Variants in WSCD2 observed in about 807,000 individuals in gnomAD.
The protein encoded by WSCD2 is sialate:O-sulfotransferase 2.
Under a neutral mutation model 55.7 loss-of-function variants are expected in WSCD2, and 28 were observed. The observed-to-expected ratio is 0.50, with a 90% CI of 0.37 to 0.69. The LOEUF is 0.69. Ranked by LOEUF, WSCD2 falls within the 30% of genes least tolerant of loss-of-function variation. The probability of loss-of-function intolerance (pLI) is 0.00; values close to 1 mark genes in which losing one functional copy is unlikely to be tolerated. For synonymous variants in WSCD2, 301 were observed against 301.9 expected (o/e 1.00, Z 0.03); for missense variants, 616 against 762.1 (o/e 0.81, Z 2.26).
intron 1 of WSCD2, among the ~76,000 whole-genome samples, chr12:108,176,243 C>A (rs1880849927): frequency 1.3e-5 from 2 of 152,166 alleles, no homozygotes; most frequent in Admixed American, 1.3e-4. Context: ...ATGTGTACAA[C>A]CATATAACCT....
Position 108,210,025 on chromosome 12 carries a change from C to T in WSCD2, c.498-96C>T. 2.6e-6 allele frequency: 4 copies of T among 1,530,610 alleles called. No individual in the cohort carries two copies. Among genetic ancestry groups the T allele is most frequent in the Non-Finnish European group, 3.6e-6 (4 of 1,119,470 alleles). 94.8% of individuals were successfully genotyped at this position (1,530,610 alleles called of 1,614,324 possible). A position where few individuals can be genotyped will look rare whatever the true frequency, so the allele number is the denominator to read the frequency against. ...CATTTCCCCTGGGATCTCCTGGTCC[C>T]CAGAGCCCTCCCATCCCCCAGGTCT... On this transcript the variant is annotated intron_variant, in intron 3 of 8. Transcript: ENST00000547525. The surrounding 1 kb of genome is among the most constrained non-coding windows in gnomAD (Gnocchi z 4.3).
chr12:108,139,186 G>C (rs1876525553), intron 1 of WSCD2, among the ~76,000 whole-genome samples: 1 of 152,238 alleles, frequency 6.6e-6, no homozygotes, highest in African/African-American at 2.4e-5. Flanking sequence ...GAAGGTGTGA[G>C]TTCCTGGATC....
At chr12:108,199,763 GAAGTT>G (rs1355935337) in intron 2 of WSCD2, among the ~76,000 whole-genome samples, 3 of 152,200 alleles carry the variant, frequency 2.0e-5, no homozygotes, top group African/African-American at 7.2e-5. Context: ...CAGGCACAGA[GAAGTT>G]AAGTAACTTG....
At chr12:108,234,280 T>C (rs1477636941) in intron 7 of WSCD2, among the ~76,000 whole-genome samples, 1 of 152,212 alleles carries the variant, frequency 6.6e-6, no homozygotes, top group Non-Finnish European at 1.5e-5. Flanking sequence ...CAGGCACAGC[T>C]TGGTGCTGAT....
intron 1 of WSCD2, among the ~76,000 whole-genome samples, chr12:108,176,466 GT>G (rs1438300963): frequency 6.6e-6 from 1 of 152,188 alleles, no homozygotes; most frequent in Non-Finnish European, 1.5e-5. Flanking sequence ...TGCCTTTGAG[GT>G]TTATCAGTGC....
At chr12:108,156,457 T>G (rs1878521979) in intron 1 of WSCD2, among the ~76,000 whole-genome samples, 1 of 152,188 alleles carries the variant, frequency 6.6e-6, no homozygotes, top group African/African-American at 2.4e-5. Flanking sequence ...GGTCTTCATT[T>G]CCCCATAAGC....
chr12:108,150,404 C>T (rs907662616), intron 1 of WSCD2, among the ~76,000 whole-genome samples: 1 of 152,046 alleles, frequency 6.6e-6, no homozygotes, highest in African/African-American at 2.4e-5. Flanking sequence ...AGGAGGGAGA[C>T]TTGGTTTATT....
At chr12:108,226,469 G>C (rs78041719) in intron 5 of WSCD2, among the ~76,000 whole-genome samples, 1 of 151,958 alleles carries the variant, frequency 6.6e-6, no homozygotes, top group Non-Finnish European at 1.5e-5. Context: ...GTGGTGTATT[G>C]CATGACCACG....
Position 108,250,171 on chromosome 12 carries a change from A to AGTGTGTGTGTGTGTGTGT in WSCD2, c.*1839_*1856dup, listed in dbSNP as rs372802789. 35 of 146,600 alleles carry AGTGTGTGTGTGTGTGTGT rather than the reference A, an allele frequency of 2.4e-4. 1 individual carries two copies. The highest frequency in any genetic ancestry group is 8.9e-4 in the African/African-American group (35 of 39,322). 9.1% of individuals were successfully genotyped at this position (146,600 alleles called of 1,614,324 possible). A position where few individuals can be genotyped will look rare whatever the true frequency, so the allele number is the denominator to read the frequency against. On this transcript the variant is annotated 3_prime_UTR_variant, in exon 9 of 9. Transcript: ENST00000547525. The stretch of plus-strand genomic sequence containing the variant: ...AGGTTCACAAATGGGATGTTTTCCT[A>AGTGTGTGTGTGTGTGTGT]GTGTGTGTGTGTGTGTGTGTGTGTG...
chr12:108,222,295 G>A (rs1258978959), intron 4 of WSCD2, among the ~76,000 whole-genome samples: 2 of 152,196 alleles, frequency 1.3e-5, no homozygotes, highest in Non-Finnish European at 2.9e-5. Context: ...CTTTGCTTCT[G>A]AGATGAGGCT....
At chr12:108,144,158 G>T (rs1047436745) in intron 1 of WSCD2, among the ~76,000 whole-genome samples, 1 of 152,008 alleles carries the variant, frequency 6.6e-6, no homozygotes, top group Non-Finnish European at 1.5e-5. Context: ...ACCACTTCTT[G>T]TAAAGCCAAG....
intron 2 of WSCD2, among the ~76,000 whole-genome samples, chr12:108,198,177 A>C (rs1164701572): frequency 6.6e-6 from 1 of 151,996 alleles, no homozygotes; most frequent in Non-Finnish European, 1.5e-5. Context: ...CTGGACTGTC[A>C]GCTCCAGGAG....
Position 108,181,811 on chromosome 12 carries a change from T to C in WSCD2, c.-551-13471T>C, listed in dbSNP as rs116362850. Reference sequence around the variant, plus strand: ...ACCAAGCCATAGCTGCCCCTGTTGATACAAACGTGCAAATAACAATAACTG... The same window carrying C: ...ACCAAGCCATAGCTGCCCCTGTTGACACAAACGTGCAAATAACAATAACTG... On this transcript the variant is annotated intron_variant, in intron 1 of 8. Coordinates refer to ENST00000547525, the MANE Select transcript of WSCD2 (RefSeq NM_014653.4). 2.9e-3 allele frequency among the ~76,000 whole-genome samples: 435 copies of C among 152,336 alleles called. 2 individuals carry two copies. Among genetic ancestry groups the C allele is most frequent in the African/African-American group, 9.6e-3 (399 of 41,582 alleles).
chr12:108,190,945 T>C (rs1477154003), intron 1 of WSCD2, among the ~76,000 whole-genome samples: 2 of 152,194 alleles, frequency 1.3e-5, no homozygotes, highest in Non-Finnish European at 2.9e-5. Flanking sequence ...GGGAGGGGCA[T>C]TCTATGGTTG....
chr12:108,190,791 G>C (rs895113989), intron 1 of WSCD2, among the ~76,000 whole-genome samples: 6 of 152,058 alleles, frequency 3.9e-5, no homozygotes, highest in South Asian at 2.1e-4. Flanking sequence ...TGCCAGCCCT[G>C]GGGGGGAGGC....
At chr12:108,240,637 C>A in intron 8 of WSCD2, 93 bp downstream of exon 8, 1 of 1,420,152 alleles carries the variant, frequency 7.0e-7, no homozygotes, top group Non-Finnish European at 9.5e-7. Context: ...GCGTGACCAG[C>A]AGGAGGCAAT....
intron 6 of WSCD2, 89 bp from the exon 7 acceptor site, chr12:108,232,642 T>C: frequency 7.7e-7 from 1 of 1,301,334 alleles, no homozygotes; most frequent in South Asian, 1.5e-5. Flanking sequence ...GGCTGAGAAG[T>C]GGCAGGGGTG....
intron 3 of WSCD2, among the ~76,000 whole-genome samples, chr12:108,206,891 A>G (rs568593642): frequency 2.0e-5 from 3 of 152,376 alleles, no homozygotes; most frequent in South Asian, 4.1e-4. Context: ...ATGCACCATT[A>G]GATGTGCATG....
At chr12:108,194,576 AGGAGACAAGT>A (rs1156268130) in intron 1 of WSCD2, among the ~76,000 whole-genome samples, 1 of 152,264 alleles carries the variant, frequency 6.6e-6, no homozygotes, top group African/African-American at 2.4e-5. Context: ...GGAGCAATAA[AGGAGACAAGT>A]GTAGATGGCT....
Sources: gnomAD v4.1 joint callset for allele counts (sites outside exome capture counted in the v4.1 genomes callset) on GRCh38, gnomAD v4.1.1 for gene constraint, Gnocchi (gnomAD v3.1) non-coding constraint, MANE v1.5 for transcripts, NCBI Gene and HGNC (gene_info 2026-07-23, HGNC 2026-07-21) for gene names.